ANK2: variants seen among roughly 807,000 people sequenced by gnomAD.
The protein encoded by ANK2 is ankyrin-2.
In ANK2, 83 loss-of-function variants were observed where a neutral mutation model predicts 360.5. That is an observed-to-expected ratio of 0.23 (90% confidence interval 0.19 to 0.28). The LOEUF is 0.28. ANK2 is among the 10% of genes least tolerant of loss of function. The pLI, the probability that ANK2 is intolerant of heterozygous loss-of-function variation, is 1.00. For synonymous variants in ANK2, 1,740 were observed against 1,759.5 expected (o/e 0.99, Z 0.28); for missense variants, 4,201 against 4,795.7 (o/e 0.88, Z 3.66).
At chr4:113,091,701 G>A (rs976405584) in intron 1 of ANK2, among the ~76,000 whole-genome samples, 1 of 152,224 alleles carries the variant, frequency 6.6e-6, no homozygotes, top group Non-Finnish European at 1.5e-5. Context: ...TTGAGGCATG[G>A]ATAGGGGATT....
intron 37 of ANK2, among the ~76,000 whole-genome samples, chr4:113,352,230 T>G (rs2095457819): frequency 6.6e-6 from 1 of 152,234 alleles, no homozygotes; most frequent in African/African-American, 2.4e-5. Flanking sequence ...TGACTTGGGT[T>G]GCCATGCATC....
chr4:113,183,474 A>C (rs1362829975), intron 2 of ANK2, among the ~76,000 whole-genome samples: 1 of 152,208 alleles, frequency 6.6e-6, no homozygotes, highest in Non-Finnish European at 1.5e-5. Context: ...TGGCAGAACT[A>C]GAGAAACACA....
In ANK2 at chr4:113,026,987, G is replaced by A. The variant is rs552266167; in HGVS notation, c.21+122473G>A. On this transcript the variant is annotated intron_variant, in intron 2 of 30. Coordinates refer to the ANK2 transcript ENST00000503271. ...CCAGAGGTATGCTGCTTTTCCAGGA[G>A]GTTGGACACAAAGGAAGAAGGGCTG... Among the ~76,000 whole-genome samples the A allele has an allele frequency of 2.0e-5, 3 of 152,054 alleles. No homozygotes were observed. In the South Asian group the frequency reaches 6.2e-4, roughly 31 times the overall value.
At position 113,311,235 on chromosome 4, in the gene ANK2, C is replaced by A. The variant is rs766231224; in HGVS notation, c.2549-20C>A. On this transcript the variant is annotated intron_variant, in intron 23 of 45. Coordinates refer to ENST00000357077, the MANE Select transcript of ANK2 (RefSeq NM_001148.6). ...TTACATTCAAGAAATAATCCTGCTTCTTCCTCTGATTGTTTCAAGGTGATG... is the reference window on the plus strand; with the variant it reads ...TTACATTCAAGAAATAATCCTGCTTATTCCTCTGATTGTTTCAAGGTGATG... 7 of 1,613,894 alleles carry A rather than the reference C, an allele frequency of 4.3e-6. No homozygotes were observed. The East Asian group carries it at 1.6e-4, about 36-fold the overall frequency.
intron 4 of ANK2, among the ~76,000 whole-genome samples, chr4:113,217,353 A>G (rs2099096465): frequency 6.6e-6 from 1 of 152,210 alleles, no homozygotes; most frequent in Admixed American, 6.5e-5. Flanking sequence ...TCGGGGTTGC[A>G]CTTATAGCCC....
chr4:112,885,455 T>G (rs992235616), intron 1 of ANK2, among the ~76,000 whole-genome samples: 5 of 142,028 alleles, frequency 3.5e-5, no homozygotes, highest in Non-Finnish European at 1.5e-5. Flanking sequence ...GCCGAGATCA[T>G]GCCATTGCAC....
intron 2 of ANK2, among the ~76,000 whole-genome samples, chr4:113,180,878 G>T (rs2098395184): frequency 6.6e-6 from 1 of 152,138 alleles, no homozygotes. Context: ...GAAGCAAAAG[G>T]TGATGTTTCC....
intron 1 of ANK2, among the ~76,000 whole-genome samples, chr4:113,060,279 A>G (rs1357995436): frequency 6.6e-6 from 1 of 152,110 alleles, no homozygotes; most frequent in Non-Finnish European, 1.5e-5. Context: ...TTGGAATTGC[A>G]TTTTTCAATG....
chr4:113,214,995 A>G (rs1459644432), intron 4 of ANK2, among the ~76,000 whole-genome samples: 3 of 152,172 alleles, frequency 2.0e-5, no homozygotes, highest in Non-Finnish European at 4.4e-5. Context: ...TGTTGTCTGA[A>G]CATAACTGGG....
At chr4:113,347,402 G>A (rs1248972242) in intron 35 of ANK2, among the ~76,000 whole-genome samples, 1 of 152,132 alleles carries the variant, frequency 6.6e-6, no homozygotes, top group Non-Finnish European at 1.5e-5. Flanking sequence ...TGAGTCAGTG[G>A]AGGCAGTATG....
chr4:112,824,157 A>G (rs1362985812), intron 1 of ANK2, among the ~76,000 whole-genome samples: 4 of 151,668 alleles, frequency 2.6e-5, no homozygotes, highest in African/African-American at 4.9e-5. Flanking sequence ...CTATCTATCT[A>G]TCTATCTATC....
intron 4 of ANK2, among the ~76,000 whole-genome samples, chr4:113,209,696 T>TA (rs2098998867): frequency 6.6e-6 from 1 of 152,116 alleles, no homozygotes; most frequent in South Asian, 2.1e-4. Context: ...AAGCAGAAGT[T>TA]ACAGGCAAAA....
rs111463299 is a variant in ANK2 at position 113,167,592 on chromosome 4, G to A, written c.85-6824G>A. 2.3e-3 allele frequency among the ~76,000 whole-genome samples: 355 copies of A among 152,104 alleles called. 2 individuals carry two copies. Among genetic ancestry groups the A allele is most frequent in the African/African-American group, 8.3e-3 (343 of 41,508 alleles). ...GGGGATTACAGGTGTGAGCCACTGC[G>A]CCCGGCCAGGTCACCATCTTTTAAA... On this transcript the variant is annotated intron_variant, in intron 1 of 45. Transcript: ENST00000357077.
At chr4:112,840,326 A>G (rs766913487) in intron 1 of ANK2, among the ~76,000 whole-genome samples, 1 of 152,240 alleles carries the variant, frequency 6.6e-6, no homozygotes, top group Non-Finnish European at 1.5e-5. Context: ...TTCCTCAGAG[A>G]GAGCTTCCAT....
intron 2 of ANK2, among the ~76,000 whole-genome samples, chr4:113,002,202 C>A (rs1480055106): frequency 6.6e-6 from 1 of 152,048 alleles, no homozygotes; most frequent in African/African-American, 2.4e-5. Context: ...CCCAGCCATC[C>A]CATTACTGGG....
intron 2 of ANK2, among the ~76,000 whole-genome samples, chr4:112,992,587 A>G (rs1037229840): frequency 4.6e-5 from 7 of 152,232 alleles, no homozygotes; most frequent in Non-Finnish European, 8.8e-5. Context: ...TGTGCGTGCC[A>G]GTATGATCGG....
At chr4:113,345,634 C>T (rs2094760191) in intron 34 of ANK2, among the ~76,000 whole-genome samples, 1 of 152,108 alleles carries the variant, frequency 6.6e-6, no homozygotes, top group Non-Finnish European at 1.5e-5. Context: ...AATCATTTCA[C>T]AATGTATACA....
chr4:113,357,628 T>A lies in ANK2; in HGVS notation c.9010T>A (p.Trp3004Arg). 2 of 1,614,114 alleles carry A rather than the reference T, an allele frequency of 1.2e-6. No homozygotes were observed. Among genetic ancestry groups the A allele is most frequent in the Non-Finnish European group, 1.7e-6 (2 of 1,179,984 alleles). Residue 3004 changes from tryptophan (W) to arginine (R), a missense_variant, in exon 38 of 46, where the codon TGG (tryptophan) becomes AGG (arginine). Transcript: ENST00000357077. ...GGAATCCCAACAGGAAAGTACCTTG[T>A]GGGAAATGCAATCAGACAGTGTCTC... ...KMESQQESTL[W>R]EMQSDSVSSS... is the part of the protein sequence containing the mutation.
chr4:113,160,265 A>T (rs749520573), intron 1 of ANK2: 19 of 353,210 alleles, frequency 5.4e-5, no homozygotes, highest in South Asian at 4.2e-4. Flanking sequence ...GGGTCTCACT[A>T]TGTTGTCAAG....
Sources: allele counts gnomAD v4.1 joint callset (sites outside exome capture counted in the v4.1 genomes callset), GRCh38; gene constraint gnomAD v4.1.1; transcripts MANE v1.5; gene names NCBI Gene and HGNC (gene_info 2026-07-23, HGNC 2026-07-21).